Variants in SERPINB12 observed in about 807,000 individuals in gnomAD.
SERPINB12 encodes the protein serpin B12.
A neutral mutation model predicts 41.1 loss-of-function variants in SERPINB12; 57 were observed. The observed-to-expected ratio is 1.39, with a 90% CI of 1.12 to 1.73. SERPINB12 has a LOEUF of 1.73. Ranked by LOEUF, SERPINB12 falls within the 40% of genes most tolerant of loss-of-function variation. SERPINB12 has a pLI of 0.00. For missense variants in SERPINB12, 536 were observed against 501.9 expected, an observed-to-expected ratio of 1.07 and a Z score of -0.65; for synonymous variants, 180 against 181.3, an observed-to-expected ratio of 0.99 and a Z score of 0.06.
upstream of SERPINB12, among the ~76,000 whole-genome samples, chr18:63,541,388 T>G (rs1199832688): frequency 6.6e-6 from 1 of 151,904 alleles, no homozygotes; most frequent in African/African-American, 2.4e-5. Flanking sequence ...GCAGGATGGG[T>G]TTTTGTAGAT....
chr18:63,519,194 G>A, the SERPINB12 span, among the ~76,000 whole-genome samples: 2 of 152,108 alleles, frequency 1.3e-5, no homozygotes, highest in African/African-American at 4.8e-5. Flanking sequence ...GGTAAGACCC[G>A]GGGACTCAGC....
At chr18:63,544,198 G>A (rs1336144376) in intron 1 of SERPINB12, among the ~76,000 whole-genome samples, 6 of 152,270 alleles carry the variant, frequency 3.9e-5, no homozygotes, top group African/African-American at 1.2e-4. Context: ...ATGAATGGAT[G>A]TGTTTCGTTC....
chr18:63,545,938 G>A (rs1338317583), intron 1 of SERPINB12, among the ~76,000 whole-genome samples: 2 of 152,038 alleles, frequency 1.3e-5, no homozygotes, highest in Non-Finnish European at 2.9e-5. Flanking sequence ...CTAACAGCAC[G>A]TTTCTTTTCT....
intron 1 of SERPINB12, among the ~76,000 whole-genome samples, chr18:63,548,700 A>G (rs1166776624): frequency 6.6e-6 from 1 of 152,046 alleles, no homozygotes; most frequent in African/African-American, 2.4e-5. Context: ...TAAAGAGAAA[A>G]GAACACATGG....
the SERPINB12 span, among the ~76,000 whole-genome samples, chr18:63,536,639 T>G: frequency 3.3e-5 from 5 of 152,120 alleles, no homozygotes; most frequent in Non-Finnish European, 5.9e-5. Flanking sequence ...CCCCATCCAT[T>G]TCACCCAATG....
rs1911189752 is a variant in SERPINB12, at chr18:63,568,506, G to A, written c.*1495G>A. Reference sequence around the variant, plus strand: ...CTGACCTCTGAGTGTTCCTACTCGCGGACTCAGGGCCTCTGTTCTCTGGTG... The same window carrying A: ...CTGACCTCTGAGTGTTCCTACTCGCAGACTCAGGGCCTCTGTTCTCTGGTG... On this transcript the variant is annotated 3_prime_UTR_variant, in exon 8 of 8. Coordinates refer to ENST00000382768, the MANE Select transcript of SERPINB12 (RefSeq NM_001307928.2). Among the ~76,000 whole-genome samples, 1 of 152,286 alleles carries A rather than the reference G, an allele frequency of 6.6e-6. No individual in the cohort carries two copies. The highest frequency in any genetic ancestry group is 2.4e-5 in the African/African-American group (1 of 41,550).
chr18:63,528,157 A>G, the SERPINB12 span, among the ~76,000 whole-genome samples: 3 of 152,280 alleles, frequency 2.0e-5, no homozygotes, highest in East Asian at 5.8e-4. Flanking sequence ...GCCCCATAAA[A>G]ATGGACTAAT....
intron 7 of SERPINB12, 54 bp from the exon 8 acceptor site, chr18:63,566,553 C>A: frequency 2.0e-6 from 3 of 1,493,536 alleles, no homozygotes; most frequent in Non-Finnish European, 2.7e-6. Context: ...GTAATTGGGG[C>A]ATTCTTTGTG....
chr18:63,564,678 G>T (rs2144351899), intron 6 of SERPINB12, among the ~76,000 whole-genome samples: 1 of 152,298 alleles, frequency 6.6e-6, no homozygotes, highest in African/African-American at 2.4e-5. Context: ...AGCAGGTGTT[G>T]TTATTTAATA....
At chr18:63,561,897 G>A (rs1451831458) in intron 5 of SERPINB12, among the ~76,000 whole-genome samples, 2 of 152,178 alleles carry the variant, frequency 1.3e-5, no homozygotes, top group East Asian at 3.9e-4. Flanking sequence ...TTGGGTCAGG[G>A]AGGGAGAGAG....
the SERPINB12 span, among the ~76,000 whole-genome samples, chr18:63,527,278 T>TG: frequency 2.9e-4 from 44 of 152,234 alleles, no homozygotes; most frequent in Non-Finnish European, 5.9e-4. Context: ...AATTTTATGC[T>TG]GGACAGAGAT....
upstream of SERPINB12, among the ~76,000 whole-genome samples, chr18:63,539,572 C>T (rs567109373): frequency 5.3e-5 from 8 of 152,196 alleles, no homozygotes; most frequent in African/African-American, 9.6e-5. Flanking sequence ...TACCTCCACT[C>T]ATCAGGTGCC....
At chr18:63,526,775 G>A in the SERPINB12 span, among the ~76,000 whole-genome samples, 7,307 of 152,196 alleles carry the variant, frequency 0.048, 236 homozygotes, top group South Asian at 0.1. Context: ...TTACAGTCAC[G>A]TGTTGTTTAA....
At chr18:63,545,347 C>T (rs1178203871) in intron 1 of SERPINB12, among the ~76,000 whole-genome samples, 2 of 151,980 alleles carry the variant, frequency 1.3e-5, no homozygotes, top group Non-Finnish European at 2.9e-5. Context: ...TTCAGCCATT[C>T]AGTGATATAT....
the SERPINB12 span, among the ~76,000 whole-genome samples, chr18:63,524,066 CAAG>C: frequency 6.6e-5 from 10 of 151,610 alleles, no homozygotes; most frequent in Admixed American, 5.2e-4. Context: ...AACTGTAAAA[CAAG>C]AAGATGTTGC....
In SERPINB12 at chr18:63,567,985, T is replaced by C. The variant is rs941566048; in HGVS notation, c.*974T>C. ...GTGGAGGCTGGCCTCCGTGTGCCCC[T>C]CTCTCTGCCTTCTGGCCACGTGGAC... On this transcript the variant is annotated 3_prime_UTR_variant, in exon 8 of 8. Transcript: ENST00000382768. Among the ~76,000 whole-genome samples, 1 of 152,180 alleles carries C rather than the reference T, an allele frequency of 6.6e-6. No individual in the cohort carries two copies. Among genetic ancestry groups the C allele is most frequent in the Admixed American group, 6.5e-5 (1 of 15,282 alleles).
chr18:63,561,011 A>G, intron 4 of SERPINB12, 74 bp from the exon 5 acceptor site: 1 of 926,046 alleles, frequency 1.1e-6, no homozygotes. Context: ...ACTTCTCAGG[A>G]GAGTCTCACT....
At chr18:63,555,035 C>T (rs1229200883) in intron 1 of SERPINB12, among the ~76,000 whole-genome samples, 1 of 152,144 alleles carries the variant, frequency 6.6e-6, no homozygotes, top group African/African-American at 2.4e-5. Flanking sequence ...TTGTAAGTTT[C>T]CTGAGGCTTC....
rs773606120 is a variant in SERPINB12 at position 63,568,024 on chromosome 18, G to C, written c.*1013G>C. Among the ~76,000 whole-genome samples, 1 of 152,186 alleles carries C rather than the reference G, an allele frequency of 6.6e-6. No homozygotes were observed. ...GGCCACGTGGACTTTTGTGTCTTCC[G>C]AGAGGTCTCATGCCAGACCACATGG... On this transcript the variant is annotated 3_prime_UTR_variant, in exon 8 of 8. Transcript: ENST00000382768.
Sources: gnomAD v4.1 joint callset for allele counts (sites outside exome capture counted in the v4.1 genomes callset) on GRCh38, gnomAD v4.1.1 for gene constraint, MANE v1.5 for transcripts, NCBI Gene and HGNC (gene_info 2026-07-23, HGNC 2026-07-21) for gene names.